SEC14L5: variants seen among roughly 807,000 people sequenced by gnomAD.
The protein encoded by SEC14L5 is SEC14-like protein 5.
Under a neutral mutation model 84.6 loss-of-function variants are expected in SEC14L5, and 96 were observed. That is an observed-to-expected ratio of 1.13 (90% CI 0.96 to 1.34). SEC14L5 has a LOEUF of 1.34. Among genes scored for constraint, SEC14L5 ranks in the 40% most tolerant of loss-of-function variants. SEC14L5 has a pLI of 0.00. For missense variants in SEC14L5, 1,224 were observed against 942.5 expected, an observed-to-expected ratio of 1.30 and a Z score of -3.91; for synonymous variants, 546 against 383.4, an observed-to-expected ratio of 1.42 and a Z score of -4.95.
chr16:5,013,577 G>A (rs1232776231), intron 15 of SEC14L5, among the ~76,000 whole-genome samples: 77 of 32,810 alleles, frequency 2.3e-3, no homozygotes, highest in African/African-American at 7.2e-3. Context: ...TTTTTTTTTG[G>A]AGACAGGGTT....
At chr16:5,006,138 G>T (rs893411984) in intron 12 of SEC14L5, 90 bp downstream of exon 12, 16 of 1,396,556 alleles carry the variant, frequency 1.1e-5, no homozygotes, top group Non-Finnish European at 1.5e-5. Flanking sequence ...GGGCTGGGAG[G>T]TGGAGGGGGG....
chr16:5,001,379 C>G (rs887295671), intron 10 of SEC14L5, among the ~76,000 whole-genome samples: 5 of 152,054 alleles, frequency 3.3e-5, no homozygotes, highest in Non-Finnish European at 7.4e-5. Context: ...CTGCCTCAGC[C>G]TCCAGAGTAG....
At chr16:4,985,005 C>T (rs1955467938) in intron 2 of SEC14L5, among the ~76,000 whole-genome samples, 2 of 152,156 alleles carry the variant, frequency 1.3e-5, no homozygotes, top group Non-Finnish European at 2.9e-5. Flanking sequence ...TTCTCCCATT[C>T]TCTGGGTTAC....
At chr16:4,975,466 C>G (rs1955328853) in intron 2 of SEC14L5, among the ~76,000 whole-genome samples, 1 of 92,342 alleles carries the variant, frequency 1.1e-5, no homozygotes, top group Non-Finnish European at 2.1e-5. Context: ...GAGCGAAACT[C>G]CATCTCAAAA....
chr16:4,961,733 A>G (rs1955123355), intron 2 of SEC14L5, among the ~76,000 whole-genome samples: 1 of 152,188 alleles, frequency 6.6e-6, no homozygotes, highest in Admixed American at 6.5e-5. Flanking sequence ...TTAAGTTGGA[A>G]TTTATTAAGC....
intron 11 of SEC14L5, among the ~76,000 whole-genome samples, chr16:5,005,305 ACT>A (rs1472919891): frequency 6.6e-6 from 1 of 151,744 alleles, no homozygotes; most frequent in Non-Finnish European, 1.5e-5. Context: ...ACAGAGCGAG[ACT>A]CTGTCTCCGA....
At chr16:4,983,498 A>G (rs1243122877) in intron 2 of SEC14L5, among the ~76,000 whole-genome samples, 1 of 150,012 alleles carries the variant, frequency 6.7e-6, no homozygotes, top group African/African-American at 2.4e-5. Context: ...CATTGTGTAT[A>G]GAAAGATATA....
intron 2 of SEC14L5, among the ~76,000 whole-genome samples, chr16:4,964,617 T>A (rs955717154): frequency 1.4e-4 from 21 of 151,844 alleles, no homozygotes; most frequent in African/African-American, 5.1e-4. Context: ...AGGCTCTCTC[T>A]CTGCTCGAGG....
At chr16:5,010,483 C>G (rs986057865) in intron 14 of SEC14L5, among the ~76,000 whole-genome samples, 1 of 152,172 alleles carries the variant, frequency 6.6e-6, no homozygotes, top group Non-Finnish European at 1.5e-5. Flanking sequence ...GAATGTCACT[C>G]TCTGACTCCC....
At chr16:4,971,841 T>C (rs1955284328) in intron 2 of SEC14L5, among the ~76,000 whole-genome samples, 1 of 152,150 alleles carries the variant, frequency 6.6e-6, no homozygotes, top group Non-Finnish European at 1.5e-5. Flanking sequence ...CTTTGAGAAA[T>C]ATTGGCTGAA....
chr16:5,011,272 A>G lies in SEC14L5; in HGVS notation c.1978A>G (p.Arg660Gly). 2.5e-6 allele frequency: 4 copies of G among 1,611,090 alleles called. No individual in the cohort carries two copies. The highest frequency in any genetic ancestry group is 3.4e-6 in the Non-Finnish European group (4 of 1,177,682). Residue 660 changes from arginine (R) to glycine (G), a missense_variant and splice_region_variant, in exon 15 of 16, where the codon AGG (arginine) becomes GGG (glycine). By Grantham distance (125) the Arg-to-Gly change is moderately radical. Coordinates refer to ENST00000251170, the MANE Select transcript of SEC14L5 (RefSeq NM_014692.2). The stretch of plus-strand genomic sequence containing the variant: ...TGAGGTGCTCGCCTCTGAGGACTTC[A>G]GGTAGGAGGGCTCCGGAGCGGGGTC... Reference protein sequence around the residue: ...YCEVLASEDFRGSMSSLESCT... With the variant: ...YCEVLASEDFGGSMSSLESCT...
chr16:5,011,378 G>A, intron 15 of SEC14L5, 105 bp downstream of exon 15: 1 of 1,192,866 alleles, frequency 8.4e-7, no homozygotes. Context: ...CTTCTCCCGG[G>A]GTGGGACCCC....
At chr16:4,969,881 G>A (rs899990181) in intron 2 of SEC14L5, among the ~76,000 whole-genome samples, 2 of 149,968 alleles carry the variant, frequency 1.3e-5, no homozygotes, top group Non-Finnish European at 3.0e-5. Context: ...GCAGCGGCAC[G>A]ATCACAGCTC....
chr16:4,993,222 CTTTTA>C (rs1170226046), intron 6 of SEC14L5, among the ~76,000 whole-genome samples: 2 of 151,852 alleles, frequency 1.3e-5, no homozygotes, highest in Admixed American at 6.6e-5. Context: ...TTTATTTTTA[CTTTTA>C]TTTTATTTTT....
chr16:4,991,896 T>G lies in SEC14L5; in HGVS notation c.533T>G (p.Ile178Ser). The G allele has an allele frequency of 6.2e-7, 1 of 1,609,796 alleles. No individual in the cohort carries two copies. The highest frequency in any genetic ancestry group is 8.5e-7 in the Non-Finnish European group (1 of 1,178,980). ...NELISQGTSH[I>S]PRWTPAPVRE... The stretch of plus-strand genomic sequence containing the variant: ...CTCATCTCCCAGGGTACCTCGCACA[T>G]TCCGCGCTGGACGCCTGCCCCAGTC... Residue 178 changes from isoleucine to serine, a missense_variant, in exon 6 of 16, where the codon ATT becomes AGT. Ile to Ser is a moderately radical substitution (Grantham distance 142). Transcript: ENST00000251170.
intron 15 of SEC14L5, among the ~76,000 whole-genome samples, chr16:5,013,217 G>A (rs936777058): frequency 8.5e-5 from 13 of 152,144 alleles, no homozygotes; most frequent in African/African-American, 1.7e-4. Flanking sequence ...GAGCCAAACC[G>A]TATCAGCCAC....
intron 13 of SEC14L5, among the ~76,000 whole-genome samples, chr16:5,007,900 C>T (rs1399970894): frequency 2.1e-5 from 3 of 143,860 alleles, no homozygotes; most frequent in African/African-American, 2.5e-5. Context: ...GCCACGGCGC[C>T]TGGCCTCTTT....
intron 3 of SEC14L5, 139 bp downstream of exon 3, chr16:4,987,845 G>A (rs1955509437): frequency 2.8e-6 from 2 of 710,382 alleles, no homozygotes; most frequent in East Asian, 2.8e-5. Flanking sequence ...TTGGATGGAG[G>A]TTCCAGGATG....
In SEC14L5 at chr16:4,972,601, T is replaced by C. The variant is rs562306000; in HGVS notation, c.63+13215T>C. Among the ~76,000 whole-genome samples, 10 of 152,352 alleles carry C rather than the reference T, an allele frequency of 6.6e-5. No individual in the cohort carries two copies. In the South Asian group the frequency reaches 2.1e-3, roughly 32 times the overall value. On this transcript the variant is annotated intron_variant, in intron 2 of 15. Coordinates refer to ENST00000251170, the MANE Select transcript of SEC14L5 (RefSeq NM_014692.2). Reference sequence around the variant, plus strand: ...ATCATACAATAGTTGTCCTTTTGTCTCTGGCTCGTTTCACTGGACACAATG... The same window carrying C: ...ATCATACAATAGTTGTCCTTTTGTCCCTGGCTCGTTTCACTGGACACAATG...
Sources: allele counts gnomAD v4.1 joint callset (sites outside exome capture counted in the v4.1 genomes callset), GRCh38; gene constraint gnomAD v4.1.1; transcripts MANE v1.5; gene names NCBI Gene and HGNC (gene_info 2026-07-23, HGNC 2026-07-21).